The following PTPRN2 variants were observed in gnomAD, a reference collection of about 807,000 sequenced individuals.
PTPRN2 encodes receptor-type tyrosine-protein phosphatase N2.
Under a neutral mutation model 118.8 loss-of-function variants are expected in PTPRN2, and 74 were observed. The observed-to-expected ratio is 0.62, with a 90% CI of 0.52 to 0.76. The LOEUF (loss-of-function observed/expected upper bound fraction) is 0.76. Among genes scored for constraint, PTPRN2 ranks in the 30% least tolerant of loss-of-function variants. PTPRN2 has a pLI of 0.00. For synonymous variants in PTPRN2, 641 were observed against 608.0 expected (o/e 1.05, Z -0.80); for missense variants, 1,481 against 1,394.4 (o/e 1.06, Z -0.99).
chr7:158,102,688 G>A lies in PTPRN2; in HGVS notation c.1643+8141C>T, dbSNP rs572224641. 9.2e-5 allele frequency among the ~76,000 whole-genome samples: 14 copies of A among 152,266 alleles called. No homozygotes were observed. The South Asian group carries it at 1.9e-3, about 20-fold the overall frequency. On this transcript the variant is annotated intron_variant, in intron 10 of 22. Transcript: ENST00000389418. ...GCCTGCAGCTTTGCGGGTGTTGGAG[G>A]GATGAGGCCTTTGTTGTTCAAGGAC...
intron 12 of PTPRN2, among the ~76,000 whole-genome samples, chr7:157,828,374 C>G (rs1180204118): frequency 6.6e-6 from 1 of 152,208 alleles, no homozygotes; most frequent in East Asian, 1.9e-4. Flanking sequence ...ATGGACGGAA[C>G]AGCGATCGGA....
intron 3 of PTPRN2, among the ~76,000 whole-genome samples, chr7:158,247,459 C>T (rs538830666): frequency 5.3e-5 from 8 of 150,712 alleles, no homozygotes; most frequent in African/African-American, 1.0e-4. Context: ...CTCTTCTTCA[C>T]GGCGCCCCTG....
chr7:158,159,889 A>G (rs1280117140), intron 6 of PTPRN2, among the ~76,000 whole-genome samples: 1 of 152,072 alleles, frequency 6.6e-6, no homozygotes, highest in Admixed American at 6.6e-5. Flanking sequence ...GGTTTGGATC[A>G]TAATCTCAAA....
At chr7:158,507,195 G>A (rs1050678886) in intron 1 of PTPRN2, among the ~76,000 whole-genome samples, 7 of 151,082 alleles carry the variant, frequency 4.6e-5, no homozygotes, top group East Asian at 2.0e-4. Context: ...AGTGAGGACC[G>A]TCCAGGGGAC....
intron 2 of PTPRN2, among the ~76,000 whole-genome samples, chr7:158,387,195 A>AG (rs1218309669): frequency 1.3e-5 from 2 of 152,226 alleles, no homozygotes; most frequent in African/African-American, 4.8e-5. Flanking sequence ...CCCTGGCTTC[A>AG]GGGCCCACAC....
intron 11 of PTPRN2, among the ~76,000 whole-genome samples, chr7:157,975,157 C>T (rs1003647025): frequency 6.6e-6 from 1 of 152,156 alleles, no homozygotes; most frequent in Non-Finnish European, 1.5e-5. Context: ...TTCTGGGGCC[C>T]CCCAGTTCCT....
rs1437704130 is a variant in PTPRN2, at chr7:157,609,078, G to A, written c.2345-5003C>T. Among the ~76,000 whole-genome samples the A allele has an allele frequency of 6.6e-6, 1 of 152,090 alleles. No homozygotes were observed. The highest frequency in any genetic ancestry group is 1.5e-5 in the Non-Finnish European group (1 of 68,018). On this transcript the variant is annotated intron_variant, in intron 15 of 22. Coordinates refer to ENST00000389418, the MANE Select transcript of PTPRN2 (RefSeq NM_002847.5). This position sits in a 1 kb window ranked among gnomAD's most constrained non-coding sequence, Gnocchi z 4.9. Reference sequence around the variant, plus strand: ...CCTTTACTGTGTTTATCATGCGTTAGTGCCTTGTTCAACAATATTTCAGGC... The same window carrying A: ...CCTTTACTGTGTTTATCATGCGTTAATGCCTTGTTCAACAATATTTCAGGC...
chr7:158,178,361 G>A (rs147398814), intron 5 of PTPRN2, among the ~76,000 whole-genome samples: 35 of 151,834 alleles, frequency 2.3e-4, no homozygotes, highest in Non-Finnish European at 4.6e-4. Flanking sequence ...TCACCCTCCC[G>A]CTTCTGAGTC....
intron 11 of PTPRN2, among the ~76,000 whole-genome samples, chr7:158,048,280 G>A (rs1809028508): frequency 6.6e-6 from 1 of 152,032 alleles, no homozygotes; most frequent in African/African-American, 2.4e-5. Flanking sequence ...TTATCTTACA[G>A]ACCATGTAGA....
intron 5 of PTPRN2, among the ~76,000 whole-genome samples, chr7:158,189,018 G>A (rs1252788629): frequency 6.6e-6 from 1 of 152,140 alleles, no homozygotes; most frequent in Non-Finnish European, 1.5e-5. Flanking sequence ...TCCTGTCTCT[G>A]GCAGGAACTT....
At chr7:157,551,520 TATCACACACCCCACACAC>T (rs1798599120) in intron 21 of PTPRN2, among the ~76,000 whole-genome samples, 1 of 104,882 alleles carries the variant, frequency 9.5e-6, no homozygotes, top group African/African-American at 3.8e-5. Flanking sequence ...CACACCCCAC[TATCACACACCCCACACAC>T]CCCACAGCCA....
At chr7:157,910,571 C>T (rs1204083023) in intron 11 of PTPRN2, among the ~76,000 whole-genome samples, 1 of 152,276 alleles carries the variant, frequency 6.6e-6, no homozygotes, top group East Asian at 1.9e-4. Context: ...CACACGTACA[C>T]CGTTCTGCAC....
At position 157,724,219 on chromosome 7, in the gene PTPRN2, C is replaced by A. The variant is rs531288748; in HGVS notation, c.1789-41282G>T. On this transcript the variant is annotated intron_variant, in intron 12 of 22. Transcript: ENST00000389418. ...CCCCCGTCTGAATTGCGCTGGTTTA[C>A]GTGACATTTAGGCTACCCCCACCTG... Among the ~76,000 whole-genome samples, 3 of 152,258 alleles carry A rather than the reference C, an allele frequency of 2.0e-5. No individual in the cohort carries two copies. The South Asian group carries it at 6.2e-4, about 32-fold the overall frequency.
In PTPRN2 at chr7:158,531,770, C is replaced by A. The variant is rs549555065; in HGVS notation, c.113-41985G>T. Among the ~76,000 whole-genome samples, 3 of 152,282 alleles carry A rather than the reference C, an allele frequency of 2.0e-5. No homozygotes were observed. In the South Asian group the frequency reaches 6.2e-4, roughly 32 times the overall value. On this transcript the variant is annotated intron_variant, in intron 1 of 22. Coordinates refer to ENST00000389418, the MANE Select transcript of PTPRN2 (RefSeq NM_002847.5). ...CCAAACACCAGGCTCGACGCCCTCA[C>A]CCACCACCTGCCCTCTGCTCATAGA... is the stretch of plus-strand genomic sequence containing the variant.
intron 3 of PTPRN2, among the ~76,000 whole-genome samples, chr7:158,225,349 C>T (rs73176116): frequency 0.16 from 24,541 of 151,998 alleles, 2,319 homozygotes; most frequent in Non-Finnish European, 0.22. Context: ...TGGATGGTTA[C>T]CATGCAGCAC....
intron 11 of PTPRN2, among the ~76,000 whole-genome samples, chr7:157,982,293 GGGT>G: frequency 2.1e-5 from 1 of 48,636 alleles, no homozygotes; most frequent in African/African-American, 7.3e-5. Flanking sequence ...GCAGAGTGCA[GGGT>G]CCCCCCAAAC....
At chr7:157,776,158 A>T (rs1365882992) in intron 12 of PTPRN2, among the ~76,000 whole-genome samples, 21 of 74,866 alleles carry the variant, frequency 2.8e-4, no homozygotes, top group Middle Eastern at 0.012. Flanking sequence ...CTCCTTTTTC[A>T]CCTCCTCCCT....
In PTPRN2 at chr7:157,903,341, C is replaced by T. The variant is rs191164299; in HGVS notation, c.1724-4604G>A. Among the ~76,000 whole-genome samples the T allele has an allele frequency of 1.8e-3, 268 of 151,866 alleles. 2 individuals are homozygous for T. Among genetic ancestry groups the T allele is most frequent in the South Asian group, 3.7e-3 (18 of 4,810 alleles). The stretch of plus-strand genomic sequence containing the variant: ...GGGGACGTGCTCACTACCTGCAAGA[C>T]GGGAGCAAGCAAGACGGTACCCCAA... On this transcript the variant is annotated intron_variant, in intron 11 of 22. Coordinates refer to ENST00000389418, the MANE Select transcript of PTPRN2 (RefSeq NM_002847.5). The surrounding 1 kb of genome is among the most constrained non-coding windows in gnomAD (Gnocchi z 4.2).
intron 3 of PTPRN2, among the ~76,000 whole-genome samples, chr7:158,233,573 G>A (rs921470721): frequency 2.0e-5 from 3 of 152,102 alleles, no homozygotes; most frequent in Non-Finnish European, 2.9e-5. Context: ...AGACATCAGT[G>A]TAGTCCCTAT....
Sources: gnomAD v4.1 joint callset for allele counts (sites outside exome capture counted in the v4.1 genomes callset) on GRCh38, gnomAD v4.1.1 for gene constraint, Gnocchi (gnomAD v3.1) non-coding constraint, MANE v1.5 for transcripts, NCBI Gene and HGNC (gene_info 2026-07-23, HGNC 2026-07-21) for gene names.